ICA1: variants seen among roughly 807,000 people sequenced by gnomAD.
ICA1 encodes the protein 69 kDa islet cell autoantigen.
In ICA1, 40 loss-of-function variants were observed where a neutral mutation model predicts 71.0. The ratio of observed to expected loss-of-function variants is 0.56; its 90% CI spans 0.44 to 0.73. The LOEUF is 0.73. ICA1 is among the 30% of genes least tolerant of loss of function. ICA1 has a pLI of 0.00. For synonymous variants in ICA1, 207 were observed against 209.5 expected, an observed-to-expected ratio of 0.99 and a Z score of 0.10; for missense variants, 578 against 576.5, an observed-to-expected ratio of 1.00 and a Z score of -0.03.
At chr7:8,205,451 T>A (rs1413209754) in intron 6 of ICA1, among the ~76,000 whole-genome samples, 1 of 152,184 alleles carries the variant, frequency 6.6e-6, no homozygotes, top group African/African-American at 2.4e-5. Flanking sequence ...CTTTAACACA[T>A]ACACTTTGTT....
chr7:8,134,165 T>C (rs1042890249), intron 12 of ICA1, among the ~76,000 whole-genome samples: 13 of 152,166 alleles, frequency 8.5e-5, no homozygotes, highest in African/African-American at 3.1e-4. Context: ...GCAGAAAGGC[T>C]GAGATGACAG....
chr7:8,252,881 T>C (rs1222128573), intron 1 of ICA1, among the ~76,000 whole-genome samples: 2 of 152,128 alleles, frequency 1.3e-5, no homozygotes, highest in African/African-American at 4.8e-5. Context: ...TTCTTTTTAG[T>C]TTTTGTTTGT....
rs1364769462 is a variant in ICA1 at position 8,144,736 on chromosome 7, T to C, written c.805-764A>G. On this transcript the variant is annotated intron_variant, in intron 8 of 13. Transcript: ENST00000402384. The surrounding 1 kb of genome is among the most constrained non-coding windows in gnomAD (Gnocchi z 4.5). ...ATTTCTAGAACTGAATAATGATTTA[T>C]ACAAAAAGATCTCTATTTCTGGCCC... Among the ~76,000 whole-genome samples the C allele has an allele frequency of 2.0e-5, 3 of 152,190 alleles. No individual in the cohort carries two copies. Among genetic ancestry groups the C allele is most frequent in the South Asian group, 2.1e-4 (1 of 4,832 alleles).
At chr7:8,150,956 C>T (rs987630962) in intron 8 of ICA1, among the ~76,000 whole-genome samples, 3 of 152,226 alleles carry the variant, frequency 2.0e-5, no homozygotes, top group Non-Finnish European at 4.4e-5. Context: ...AGGCAAACGA[C>T]TAGACCTTTC....
At chr7:8,213,942 C>T (rs1407242966) in intron 6 of ICA1, among the ~76,000 whole-genome samples, 3 of 152,352 alleles carry the variant, frequency 2.0e-5, no homozygotes, top group Non-Finnish European at 2.9e-5. Flanking sequence ...GAGTATCACT[C>T]ATTTCCTATA....
Position 8,141,926 on chromosome 7 carries a change from C to T in ICA1, c.903-109G>A, listed in dbSNP as rs994287086. ...TCACTTTTAACACAAACACATACAC[C>T]ACACACACGCACACGAAGAAGGGTC... On this transcript the variant is annotated intron_variant, in intron 9 of 13. Transcript: ENST00000402384. The T allele has an allele frequency of 3.3e-6, 4 of 1,222,230 alleles. No homozygotes were observed. In the African/African-American group the frequency reaches 1.3e-4, roughly 38 times the overall value. The allele number at this position is 1,222,230 out of a possible 1,614,324, so 75.7% of individuals were successfully genotyped here.
chr7:8,207,821 A>G lies in ICA1; in HGVS notation c.579+10484T>C, dbSNP rs113572226. On this transcript the variant is annotated intron_variant, in intron 6 of 13. Transcript: ENST00000402384. ...TTTTGCTATTTTAAATCTCAGAACT[A>G]TGAATGGAAACTACCAGTTTTCTAT... Among the ~76,000 whole-genome samples, 931 of 152,356 alleles carry G rather than the reference A, an allele frequency of 6.1e-3. 9 individuals carry two copies. The highest frequency in any genetic ancestry group is 0.021 in the African/African-American group (882 of 41,580).
chr7:8,257,170 A>G (rs1318314556), intron 1 of ICA1, among the ~76,000 whole-genome samples: 1 of 152,222 alleles, frequency 6.6e-6, no homozygotes, highest in Non-Finnish European at 1.5e-5. Context: ...ACTGTGCACA[A>G]CAAAACCTGC....
chr7:8,152,072 A>G (rs1410409800), intron 8 of ICA1, among the ~76,000 whole-genome samples: 1 of 152,172 alleles, frequency 6.6e-6, no homozygotes, highest in Non-Finnish European at 1.5e-5. Flanking sequence ...CGGCCTTCCC[A>G]GCCCTCTTCT....
At chr7:8,168,671 C>T (rs1807080899) in intron 6 of ICA1, among the ~76,000 whole-genome samples, 1 of 152,150 alleles carries the variant, frequency 6.6e-6, no homozygotes, top group African/African-American at 2.4e-5. Context: ...AGAAATCTTG[C>T]TAAGTTTCTT....
chr7:8,126,301 A>G (rs1167914322), intron 13 of ICA1, among the ~76,000 whole-genome samples: 1 of 152,150 alleles, frequency 6.6e-6, no homozygotes, highest in Non-Finnish European at 1.5e-5. Flanking sequence ...CGACTCTCTC[A>G]GGGCTTCTTA....
chr7:8,120,313 T>C (rs1372280444), intron 13 of ICA1, among the ~76,000 whole-genome samples: 1 of 152,200 alleles, frequency 6.6e-6, no homozygotes, highest in African/African-American at 2.4e-5. Context: ...ACACCGACTA[T>C]TTATGGGAAA....
intron 3 of ICA1, among the ~76,000 whole-genome samples, chr7:8,229,379 G>A (rs1040428162): frequency 3.9e-5 from 6 of 152,266 alleles, no homozygotes; most frequent in African/African-American, 1.2e-4. Context: ...AATGCGTGGC[G>A]GTTCCAGCCT....
intron 6 of ICA1, among the ~76,000 whole-genome samples, chr7:8,181,294 T>C (rs1782128631): frequency 6.6e-6 from 1 of 152,166 alleles, no homozygotes; most frequent in Non-Finnish European, 1.5e-5. Flanking sequence ...ACCTTATATG[T>C]GTGGGATTAT....
At chr7:8,210,357 TG>T (rs1661944783) in intron 6 of ICA1, among the ~76,000 whole-genome samples, 1 of 152,244 alleles carries the variant, frequency 6.6e-6, no homozygotes, top group African/African-American at 2.4e-5. Flanking sequence ...TCTGTCATTT[TG>T]GGGATGTGTG....
At chr7:8,235,854 T>G (rs564300381) in intron 2 of ICA1, 56 bp downstream of exon 2, 2 of 1,548,928 alleles carry the variant, frequency 1.3e-6, no homozygotes, top group South Asian at 1.1e-5. Context: ...TGTTTATTGA[T>G]CATATGCTAT....
At chr7:8,129,569 C>G (rs934383870) in intron 12 of ICA1, among the ~76,000 whole-genome samples, 11 of 152,168 alleles carry the variant, frequency 7.2e-5, no homozygotes, top group Non-Finnish European at 1.5e-4. Context: ...AGTCGGACAA[C>G]TGTCTAATGT....
At chr7:8,180,257 CATT>C (rs1209978592) in intron 6 of ICA1, among the ~76,000 whole-genome samples, 1 of 152,068 alleles carries the variant, frequency 6.6e-6, no homozygotes, top group Non-Finnish European at 1.5e-5. Flanking sequence ...TAATGTTAAA[CATT>C]ATATAAATGA....
At chr7:8,212,707 G>A (rs891042173) in intron 6 of ICA1, among the ~76,000 whole-genome samples, 4 of 152,176 alleles carry the variant, frequency 2.6e-5, no homozygotes, top group Non-Finnish European at 4.4e-5. Context: ...GGGCGGGGAC[G>A]GAGTGTAGCA....
Sources: gnomAD v4.1 joint callset for allele counts (sites outside exome capture counted in the v4.1 genomes callset) on GRCh38, gnomAD v4.1.1 for gene constraint, Gnocchi (gnomAD v3.1) non-coding constraint, MANE v1.5 for transcripts, NCBI Gene and HGNC (gene_info 2026-07-23, HGNC 2026-07-21) for gene names.